The following SND1 variants were observed in gnomAD, a reference collection of about 807,000 sequenced individuals.
SND1 encodes staphylococcal nuclease and tudor domain containing 1, also known as staphylococcal nuclease domain-containing protein 1.
A neutral mutation model predicts 121.7 loss-of-function variants in SND1; 38 were observed. The observed-to-expected ratio is 0.31, with a 90% CI of 0.24 to 0.41. The LOEUF is 0.41. Among genes scored for constraint, SND1 ranks in the 10% least tolerant of loss-of-function variants. The pLI is 1.00. For synonymous variants in SND1, 401 were observed against 447.4 expected, an observed-to-expected ratio of 0.90 and a Z score of 1.31; for missense variants, 868 against 1,184.6, an observed-to-expected ratio of 0.73 and a Z score of 3.92.
intron 1 of SND1, among the ~76,000 whole-genome samples, chr7:127,680,204 A>G (rs568175212): frequency 6.3e-4 from 96 of 152,278 alleles, no homozygotes; most frequent in East Asian, 3.1e-3. Flanking sequence ...CGTACTTCAC[A>G]AGGTAATAGA....
Position 128,034,009 on chromosome 7 carries a change from G to T in SND1, c.1780-40493G>T, listed in dbSNP as rs1792702458. ...CCCAGTGAAAGTAATTGCCACACTT[G>T]TCTCCATTTCACAGATGAAGGCACT... On this transcript the variant is annotated intron_variant, in intron 16 of 23. Transcript: ENST00000354725. 2.0e-5 allele frequency among the ~76,000 whole-genome samples: 3 copies of T among 152,210 alleles called. No homozygotes were observed. The South Asian group carries it at 6.2e-4, about 32-fold the overall frequency.
In SND1 at chr7:127,721,371, C is replaced by A; in HGVS notation, c.1123C>A (p.Pro375Thr). 6.2e-7 allele frequency: 1 copy of A among 1,612,252 alleles called. No individual in the cohort carries two copies. Among genetic ancestry groups the A allele is most frequent in the Non-Finnish European group, 8.5e-7 (1 of 1,179,292 alleles). The change falls in exon 10 of 24, where the codon CCA (proline) becomes ACA (threonine). Residue 375 changes from proline (P) to threonine (T), a missense_variant. Coordinates refer to ENST00000354725, the MANE Select transcript of SND1 (RefSeq NM_014390.4). ...YKTIHLSSIR[P>T]PRLEGENTQD... ...GACGATTCACCTGTCCAGCATCCGACCACCGAGGCTGGAGGGGGAGAACAC... is the reference window on the plus strand; with the variant it reads ...GACGATTCACCTGTCCAGCATCCGAACACCGAGGCTGGAGGGGGAGAACAC...
chr7:127,969,227 C>G (rs1801923001), intron 15 of SND1, among the ~76,000 whole-genome samples: 1 of 152,064 alleles, frequency 6.6e-6, no homozygotes, highest in Non-Finnish European at 1.5e-5. Flanking sequence ...TTACGGGTGC[C>G]TTGAACCTGG....
intron 10 of SND1, among the ~76,000 whole-genome samples, chr7:127,798,147 C>G (rs576138815): frequency 6.6e-6 from 1 of 152,110 alleles, no homozygotes; most frequent in Non-Finnish European, 1.5e-5. Flanking sequence ...CTGGAGATAA[C>G]GGGTCAGGCT....
chr7:127,652,203 T>A lies in SND1; in HGVS notation c.-171T>A, dbSNP rs755005284. On this transcript the variant is annotated 5_prime_UTR_variant, in exon 1 of 24. Coordinates refer to ENST00000354725, the MANE Select transcript of SND1 (RefSeq NM_014390.4). ...GCGGCGGAGATCGCGTCTCTTTCGCTCCGTGTCCCGCTGCTGCTCCTGTGA... is the reference window on the plus strand; with the variant it reads ...GCGGCGGAGATCGCGTCTCTTTCGCACCGTGTCCCGCTGCTGCTCCTGTGA... The A allele has an allele frequency of 1.5e-6, 1 of 669,900 alleles. No homozygotes were observed. The highest frequency in any genetic ancestry group is 1.6e-5 in the South Asian group (1 of 60,936). 41.5% of individuals were successfully genotyped at this position (669,900 alleles called of 1,614,324 possible).
At chr7:127,740,396 G>T (rs1449060034) in intron 10 of SND1, among the ~76,000 whole-genome samples, 2 of 152,150 alleles carry the variant, frequency 1.3e-5, no homozygotes, top group African/African-American at 4.8e-5. Flanking sequence ...AAAGACTAAT[G>T]AGAAACAAAG....
chr7:128,091,137 G>A (rs984206968), intron 22 of SND1, among the ~76,000 whole-genome samples: 13 of 152,306 alleles, frequency 8.5e-5, no homozygotes, highest in African/African-American at 2.9e-4. Context: ...AAATTAAATA[G>A]GATATTAGAA....
At chr7:127,833,048 C>A (rs1320218148) in intron 11 of SND1, among the ~76,000 whole-genome samples, 1 of 152,098 alleles carries the variant, frequency 6.6e-6, no homozygotes, top group Admixed American at 6.5e-5. Flanking sequence ...GGGTTGGGGA[C>A]CACTTTCTTA....
At chr7:128,054,069 G>A (rs771701718) in intron 16 of SND1, among the ~76,000 whole-genome samples, 1 of 152,272 alleles carries the variant, frequency 6.6e-6, no homozygotes, top group Non-Finnish European at 1.5e-5. Flanking sequence ...GCCACTGTCA[G>A]TAAGTCATCG....
intron 15 of SND1, among the ~76,000 whole-genome samples, chr7:127,944,389 AC>A (rs1357540938): frequency 6.6e-6 from 1 of 152,174 alleles, no homozygotes; most frequent in African/African-American, 2.4e-5. Context: ...GTGATGAATG[AC>A]CGAGTCTGTG....
At chr7:127,816,300 A>C (rs1056008754) in intron 11 of SND1, among the ~76,000 whole-genome samples, 2 of 152,218 alleles carry the variant, frequency 1.3e-5, no homozygotes, top group African/African-American at 4.8e-5. Flanking sequence ...TGATGAATAG[A>C]ACATTAAGAA....
intron 9 of SND1, among the ~76,000 whole-genome samples, chr7:127,710,754 G>A (rs376657730): frequency 2.6e-5 from 4 of 152,012 alleles, no homozygotes; most frequent in African/African-American, 9.7e-5. Flanking sequence ...TCAGTTTAAG[G>A]GCAACTCCTT....
At chr7:128,022,128 C>G (rs1182642051) in intron 16 of SND1, among the ~76,000 whole-genome samples, 12 of 150,252 alleles carry the variant, frequency 8.0e-5, no homozygotes, top group Admixed American at 7.3e-4. Flanking sequence ...TCGCTTGAAC[C>G]CGGGAGGCGG....
rs145649291 is a variant in SND1 at position 128,056,875 on chromosome 7, T to G, written c.1780-17627T>G. 1.4e-4 allele frequency among the ~76,000 whole-genome samples: 21 copies of G among 152,334 alleles called. No individual in the cohort carries two copies. The East Asian group carries it at 2.7e-3, about 20-fold the overall frequency. On this transcript the variant is annotated intron_variant, in intron 16 of 23. Transcript: ENST00000354725. ...GAACAATTATAACAATATGCCAGCA[T>G]CACTACTCTTGTGCTTTGGGGTATT...
At chr7:127,920,858 C>T (rs73721252) in intron 14 of SND1, among the ~76,000 whole-genome samples, 1 of 120,424 alleles carries the variant, frequency 8.3e-6, no homozygotes, top group Non-Finnish European at 1.7e-5. Context: ...CTTATCTTAA[C>T]AAAAAAAAAA....
At chr7:127,822,007 T>C (rs1798557487) in intron 11 of SND1, among the ~76,000 whole-genome samples, 1 of 152,258 alleles carries the variant, frequency 6.6e-6, no homozygotes, top group Non-Finnish European at 1.5e-5. Context: ...GGTTTTTCTC[T>C]TATGTATTCA....
rs1800213954 is a variant in SND1 at position 127,900,751 on chromosome 7, G to C, written c.1455-3996G>C. ...CTTTCTGTTGCCCTGCCACTCCTTG[G>C]CATGTGTGTGGATATATACTTTCTT... On this transcript the variant is annotated intron_variant, in intron 13 of 23. Coordinates refer to ENST00000354725, the MANE Select transcript of SND1 (RefSeq NM_014390.4). Among the ~76,000 whole-genome samples the C allele has an allele frequency of 2.0e-5, 3 of 152,160 alleles. No individual in the cohort carries two copies. The South Asian group carries it at 6.2e-4, about 32-fold the overall frequency.
intron 13 of SND1, among the ~76,000 whole-genome samples, chr7:127,892,500 CATA>C (rs1441425759): frequency 6.6e-6 from 1 of 152,108 alleles, no homozygotes; most frequent in African/African-American, 2.4e-5. Flanking sequence ...GGGAAACCCT[CATA>C]ATGTCTTAAA....
In SND1 at chr7:128,089,698, T is replaced by C; in HGVS notation, c.2622+6T>C. On this transcript the variant is annotated splice_donor_region_variant and intron_variant, in intron 22 of 23. Transcript: ENST00000354725. ...AGAAACAGTTCCAGAAAGTGGTATG[T>C]GATGTGGAGAGGCGGCCCCAGCATT... 1 of 1,613,126 alleles carries C rather than the reference T, an allele frequency of 6.2e-7. No homozygotes were observed. The highest frequency in any genetic ancestry group is 8.5e-7 in the Non-Finnish European group (1 of 1,179,288).
Sources: allele counts gnomAD v4.1 joint callset (sites outside exome capture counted in the v4.1 genomes callset), GRCh38; gene constraint gnomAD v4.1.1; transcripts MANE v1.5; gene names NCBI Gene and HGNC (gene_info 2026-07-23, HGNC 2026-07-21).